The following ADCYAP1R1 variants were observed in gnomAD, a reference collection of about 807,000 sequenced individuals.
ADCYAP1R1 encodes pituitary adenylate cyclase-activating polypeptide type I receptor.
ADCYAP1R1 carries 44 observed loss-of-function variants against 67.6 expected under a neutral mutation model. The ratio of observed to expected loss-of-function variants is 0.65; its 90% CI spans 0.51 to 0.84. ADCYAP1R1 has a LOEUF of 0.84. Among genes scored for constraint, ADCYAP1R1 ranks in the 40% least tolerant of loss-of-function variants. The probability of loss-of-function intolerance (pLI) is 0.00; values close to 1 mark genes in which losing one functional copy is unlikely to be tolerated. For synonymous variants in ADCYAP1R1, 222 were observed against 219.6 expected (o/e 1.01, Z -0.10); for missense variants, 477 against 587.9 (o/e 0.81, Z 1.95).
chr7:31,105,511 C>A (rs1796604497), intron 15 of ADCYAP1R1, among the ~76,000 whole-genome samples: 1 of 152,222 alleles, frequency 6.6e-6, no homozygotes, highest in African/African-American at 2.4e-5. Context: ...GGGTAAAGCG[C>A]TTGAGCACAA....
rs2128627563 is a variant in ADCYAP1R1 at position 31,080,644 on chromosome 7, C to G, written c.286+11C>G. The G allele has an allele frequency of 1.2e-6, 2 of 1,613,714 alleles. No homozygotes were observed. The highest frequency in any genetic ancestry group is 2.7e-5 in the African/African-American group (2 of 75,028). On this transcript the variant is annotated intron_variant, in intron 5 of 15. Transcript: ENST00000304166. ...AGACCGAAACCATTGGTAAGAGGAA[C>G]CTTGGTGAGGATAGACCGCTGTCTT...
At position 31,108,811 on chromosome 7, in the gene ADCYAP1R1, C is replaced by T. The variant is rs1208679324; in HGVS notation, c.*2127C>T. 1 of 151,514 alleles carries T rather than the reference C, an allele frequency of 6.6e-6. No individual in the cohort carries two copies. Among genetic ancestry groups the T allele is most frequent in the Non-Finnish European group, 1.5e-5 (1 of 68,064 alleles). The allele number at this position is 151,514 out of a possible 1,614,324, so 9.4% of individuals were successfully genotyped here. On this transcript the variant is annotated 3_prime_UTR_variant, in exon 16 of 16. Coordinates refer to ENST00000304166, the MANE Select transcript of ADCYAP1R1 (RefSeq NM_001118.5). ...GGATGGACAGGATGCTGTTTATTTT[C>T]CCTTTCTTGGAAATGGACCTTCTGT...
intron 13 of ADCYAP1R1, chr7:31,095,783 G>T (rs776291074): frequency 5.6e-6 from 4 of 717,152 alleles, no homozygotes; most frequent in Non-Finnish European, 1.0e-5. Flanking sequence ...GGTGATAAGG[G>T]TTTGTCCTCC....
intron 3 of ADCYAP1R1, among the ~76,000 whole-genome samples, chr7:31,075,080 CCCT>C (rs778171111): frequency 2.6e-4 from 39 of 152,160 alleles, no homozygotes; most frequent in Non-Finnish European, 4.6e-4. Context: ...TGCTCCAGGC[CCCT>C]CCTCTTCCCA....
At chr7:31,076,362 AGGTGGT>A (rs1461074125) in intron 3 of ADCYAP1R1, among the ~76,000 whole-genome samples, 1 of 152,092 alleles carries the variant, frequency 6.6e-6, no homozygotes, top group Non-Finnish European at 1.5e-5. Context: ...GAGCAGGAAG[AGGTGGT>A]GTCAGGCAGT....
chr7:31,062,477 A>G lies in ADCYAP1R1; in HGVS notation c.-71-717A>G, dbSNP rs140007209. The stretch of plus-strand genomic sequence containing the variant: ...GTACCAGGCCAGGCAGCTGGAACAA[A>G]GAGGCCTTTTAAGGGGGTAAATTAG... On this transcript the variant is annotated intron_variant, in intron 1 of 15. Coordinates refer to ENST00000304166, the MANE Select transcript of ADCYAP1R1 (RefSeq NM_001118.5). Among the ~76,000 whole-genome samples the G allele has an allele frequency of 4.3e-4, 66 of 152,354 alleles. 1 individual carries two copies. The highest frequency in any genetic ancestry group is 1.5e-3 in the African/African-American group (62 of 41,594).
At chr7:31,067,547 T>C (rs1794788971) in intron 3 of ADCYAP1R1, among the ~76,000 whole-genome samples, 2 of 152,226 alleles carry the variant, frequency 1.3e-5, no homozygotes, top group African/African-American at 2.4e-5. Context: ...TTATGACCCC[T>C]ATTTTATAGA....
intron 14 of ADCYAP1R1, 69 bp downstream of exon 14, chr7:31,103,435 T>C (rs1053027323): frequency 3.7e-6 from 6 of 1,602,878 alleles, no homozygotes; most frequent in Non-Finnish European, 5.1e-6. Flanking sequence ...CTGCAAGTGG[T>C]GCTGGAGCCT....
intron 3 of ADCYAP1R1, among the ~76,000 whole-genome samples, chr7:31,077,343 G>A (rs938288262): frequency 1.3e-5 from 2 of 151,628 alleles, no homozygotes; most frequent in African/African-American, 4.8e-5. Flanking sequence ...TGTGTGTGAT[G>A]TGAGTGGTGT....
chr7:31,095,687 T>C (rs1474663033), intron 13 of ADCYAP1R1: 1 of 717,826 alleles, frequency 1.4e-6, no homozygotes, highest in Non-Finnish European at 2.6e-6. Flanking sequence ...AGCCCGCGAG[T>C]CCCCAAGAAA....
At chr7:31,076,339 A>T (rs1369295838) in intron 3 of ADCYAP1R1, among the ~76,000 whole-genome samples, 2 of 152,212 alleles carry the variant, frequency 1.3e-5, no homozygotes, top group African/African-American at 4.8e-5. Context: ...ACAGAGTCAG[A>T]GAAGCAGGGA....
chr7:31,101,936 C>G (rs532572393), intron 13 of ADCYAP1R1, among the ~76,000 whole-genome samples: 2 of 152,306 alleles, frequency 1.3e-5, no homozygotes, highest in Admixed American at 1.3e-4. Context: ...ACTCATGGTC[C>G]TCTTCCTTTA....
chr7:31,096,326 C>T (rs890782293), intron 13 of ADCYAP1R1, among the ~76,000 whole-genome samples: 28 of 152,042 alleles, frequency 1.8e-4, no homozygotes, highest in Non-Finnish European at 3.5e-4. Flanking sequence ...ATGGCTGTGC[C>T]GGGGCCAGGC....
At chr7:31,069,226 G>C (rs1248843231) in intron 3 of ADCYAP1R1, among the ~76,000 whole-genome samples, 1 of 152,202 alleles carries the variant, frequency 6.6e-6, no homozygotes, top group East Asian at 1.9e-4. Flanking sequence ...CCAGGCTGGG[G>C]AGCTCACTAC....
intron 13 of ADCYAP1R1, among the ~76,000 whole-genome samples, chr7:31,098,588 C>G (rs1344105770): frequency 6.6e-6 from 1 of 151,790 alleles, no homozygotes; most frequent in Admixed American, 6.6e-5. Context: ...CAAACCTCGA[C>G]ATTCCTCTTC....
intron 13 of ADCYAP1R1, chr7:31,100,158 C>T (rs1416416715): frequency 1.9e-6 from 3 of 1,550,510 alleles, no homozygotes; most frequent in Non-Finnish European, 2.6e-6. Flanking sequence ...CTGCAAGCCA[C>T]AGCGGGCTCA....
At chr7:31,103,842 C>T (rs1222710407) in intron 14 of ADCYAP1R1, among the ~76,000 whole-genome samples, 1 of 152,058 alleles carries the variant, frequency 6.6e-6, no homozygotes, top group Admixed American at 6.5e-5. Flanking sequence ...CAGAATGCTG[C>T]CTTAGTGCCT....
intron 3 of ADCYAP1R1, among the ~76,000 whole-genome samples, chr7:31,072,706 C>T (rs1795041831): frequency 2.0e-5 from 3 of 152,238 alleles, no homozygotes. Flanking sequence ...AATGCCCCCA[C>T]CCCGGCCTGA....
chr7:31,067,824 A>T (rs1476554195), intron 3 of ADCYAP1R1, among the ~76,000 whole-genome samples: 1 of 152,240 alleles, frequency 6.6e-6, no homozygotes, highest in African/African-American at 2.4e-5. Flanking sequence ...GAGAAGTGCT[A>T]AGGACAGCGT....
Sources: allele counts gnomAD v4.1 joint callset (sites outside exome capture counted in the v4.1 genomes callset), GRCh38; gene constraint gnomAD v4.1.1; transcripts MANE v1.5; gene names NCBI Gene and HGNC (gene_info 2026-07-23, HGNC 2026-07-21).